The following RAB6A variants were observed in gnomAD, a reference collection of about 807,000 sequenced individuals.
The protein encoded by RAB6A is ras-related protein Rab-6A.
In RAB6A, 8 loss-of-function variants were observed where a neutral mutation model predicts 32.3. That is an observed-to-expected ratio of 0.25 (90% CI 0.15 to 0.45). RAB6A has a LOEUF of 0.45. Among genes scored for constraint, RAB6A ranks in the 20% least tolerant of loss-of-function variants. The pLI is 1.00. For missense variants in RAB6A, 104 were observed against 249.4 expected (o/e 0.42, Z 3.93); for synonymous variants, 73 against 82.1 (o/e 0.89, Z 0.60).
intron 1 of RAB6A, chr11:73,759,922 A>G: frequency 1.6e-6 from 1 of 627,806 alleles, no homozygotes; most frequent in Non-Finnish European, 2.4e-6. Context: ...TGCCGACGCT[A>G]CCCCTTTCAC....
intron 1 of RAB6A, among the ~76,000 whole-genome samples, chr11:73,735,335 TC>T (rs1946377278): frequency 6.6e-6 from 1 of 152,184 alleles, no homozygotes; most frequent in African/African-American, 2.4e-5. Flanking sequence ...AGAAAAATGA[TC>T]CTACTCACTT....
chr11:73,695,404 G>A (rs1269651095), intron 6 of RAB6A, among the ~76,000 whole-genome samples: 1 of 150,782 alleles, frequency 6.6e-6, no homozygotes, highest in Admixed American at 6.6e-5. Flanking sequence ...TTTTGAGACG[G>A]AGTCTCGCTC....
intron 6 of RAB6A, among the ~76,000 whole-genome samples, chr11:73,701,224 T>C (rs1395881662): frequency 6.6e-6 from 1 of 152,228 alleles, no homozygotes; most frequent in African/African-American, 2.4e-5. Context: ...GAAAGACTTC[T>C]GTGTATCTTC....
At chr11:73,702,674 C>T (rs947498842) in intron 6 of RAB6A, among the ~76,000 whole-genome samples, 1 of 151,922 alleles carries the variant, frequency 6.6e-6, no homozygotes, top group Non-Finnish European at 1.5e-5. Context: ...AAATTAGAAG[C>T]CAGTAACAAT....
intron 1 of RAB6A, among the ~76,000 whole-genome samples, chr11:73,737,409 G>A (rs897925655): frequency 3.3e-5 from 5 of 152,100 alleles, no homozygotes; most frequent in African/African-American, 1.2e-4. Context: ...CTTGAACCTA[G>A]GAGTTTGAGG....
chr11:73,728,146 A>T (rs1270242020), intron 2 of RAB6A, among the ~76,000 whole-genome samples: 1 of 152,196 alleles, frequency 6.6e-6, no homozygotes, highest in East Asian at 1.9e-4. Flanking sequence ...ACTTGCTCTT[A>T]AGATTACTAA....
intron 6 of RAB6A, among the ~76,000 whole-genome samples, chr11:73,684,099 GC>G (rs1328041624): frequency 2.6e-5 from 4 of 151,778 alleles, no homozygotes; most frequent in Non-Finnish European, 5.9e-5. Context: ...TTTGCAGAAG[GC>G]TACGATCAGA....
At chr11:73,725,281 C>A (rs1282079513) in intron 2 of RAB6A, among the ~76,000 whole-genome samples, 1 of 152,134 alleles carries the variant, frequency 6.6e-6, no homozygotes, top group African/African-American at 2.4e-5. Flanking sequence ...CCAAAAAGTG[C>A]TTGGTAAACT....
At chr11:73,711,496 A>G (rs1357316606) in intron 5 of RAB6A, among the ~76,000 whole-genome samples, 1 of 152,134 alleles carries the variant, frequency 6.6e-6, no homozygotes, top group East Asian at 1.9e-4. Flanking sequence ...AGTTTGTCAA[A>G]CCATTTTCCT....
At chr11:73,760,488 G>A (rs1280347725) in intron 1 of RAB6A, 78 bp downstream of exon 1, 4 of 1,508,242 alleles carry the variant, frequency 2.7e-6, no homozygotes, top group African/African-American at 1.4e-5. Context: ...GGGAGCCTCC[G>A]CGGACGGAAG....
intron 7 of RAB6A, among the ~76,000 whole-genome samples, chr11:73,678,861 G>A (rs1945310471): frequency 6.6e-6 from 1 of 151,374 alleles, no homozygotes; most frequent in Admixed American, 6.6e-5. Context: ...TAGTAGCTGG[G>A]ATTACAGGCG....
intron 5 of RAB6A, among the ~76,000 whole-genome samples, chr11:73,713,599 T>C (rs1184408598): frequency 6.6e-6 from 1 of 152,148 alleles, no homozygotes; most frequent in African/African-American, 2.4e-5. Context: ...CTGTGTGCAT[T>C]TAAATCTTCT....
At chr11:73,742,682 A>G (rs1463694296) in intron 1 of RAB6A, among the ~76,000 whole-genome samples, 2 of 152,060 alleles carry the variant, frequency 1.3e-5, no homozygotes, top group East Asian at 3.9e-4. Context: ...GTGGTAGCAC[A>G]TGCCTATAAT....
At chr11:73,739,996 T>C (rs772093909) in intron 1 of RAB6A, among the ~76,000 whole-genome samples, 1 of 151,302 alleles carries the variant, frequency 6.6e-6, no homozygotes, top group Non-Finnish European at 1.5e-5. Context: ...GAGGCAGAGG[T>C]TGCAGTGAGC....
At chr11:73,749,084 C>A (rs1946636882) in intron 1 of RAB6A, among the ~76,000 whole-genome samples, 1 of 152,040 alleles carries the variant, frequency 6.6e-6, no homozygotes, top group Non-Finnish European at 1.5e-5. Flanking sequence ...GAGATCACGA[C>A]ACTGCACTCC....
At chr11:73,735,937 A>AG (rs373161315) in intron 1 of RAB6A, among the ~76,000 whole-genome samples, 14 of 123,600 alleles carry the variant, frequency 1.1e-4, no homozygotes, top group African/African-American at 3.6e-4. Flanking sequence ...AAAAAAAAAA[A>AG]AGAGAGAGAG....
chr11:73,719,831 G>T (rs1301690987), intron 3 of RAB6A, among the ~76,000 whole-genome samples: 2 of 151,962 alleles, frequency 1.3e-5, no homozygotes, highest in African/African-American at 4.8e-5. Flanking sequence ...GGCCAGGCTG[G>T]TCTTCAACTC....
Position 73,700,637 on chromosome 11 carries a change from G to A in RAB6A, c.495+6783C>T, listed in dbSNP as rs984204952. Among the ~76,000 whole-genome samples the A allele has an allele frequency of 9.1e-5, 13 of 143,228 alleles. No homozygotes were observed. The East Asian group carries it at 2.7e-3, about 30-fold the overall frequency. The allele number at this position is 143,228 out of a possible 152,430, so 94.0% of individuals were successfully genotyped here. A position where few individuals can be genotyped will look rare whatever the true frequency, so the allele number is the denominator to read the frequency against. On this transcript the variant is annotated intron_variant, in intron 6 of 7. Coordinates refer to ENST00000336083, the MANE Select transcript of RAB6A (RefSeq NM_198896.2). ...GGGGGGGGGGGGGAGGAGGGTAGTG[G>A]ATGAGAAATCTAAGGAGTAAAACTA...
At position 73,676,098 on chromosome 11, in the gene RAB6A, T is replaced by A. The variant is rs1260525334; in HGVS notation, c.*1800A>T. On this transcript the variant is annotated 3_prime_UTR_variant, in exon 8 of 8. Coordinates refer to ENST00000336083, the MANE Select transcript of RAB6A (RefSeq NM_198896.2). ...CCATAATCCAAGTGCTCTCTGAATA[T>A]TACAAGGTGACAATAAGTGGGAAGT... 6.0e-6 allele frequency: 1 copy of A among 167,050 alleles called. No homozygotes were observed. Among genetic ancestry groups the A allele is most frequent in the Admixed American group, 6.5e-5 (1 of 15,282 alleles). The allele number at this position is 167,050 out of a possible 1,614,324, so 10.3% of individuals were successfully genotyped here.
Sources: gnomAD v4.1 joint callset for allele counts (sites outside exome capture counted in the v4.1 genomes callset) on GRCh38, gnomAD v4.1.1 for gene constraint, MANE v1.5 for transcripts, NCBI Gene and HGNC (gene_info 2026-07-23, HGNC 2026-07-21) for gene names.